SVEP1: variants seen among roughly 807,000 people sequenced by gnomAD.
The protein encoded by SVEP1 is sushi, von Willebrand factor type A, EGF and pentraxin domain containing 1.
A neutral mutation model predicts 367.3 loss-of-function variants in SVEP1; 164 were observed. The ratio of observed to expected loss-of-function variants is 0.45; its 90% CI spans 0.39 to 0.51. The LOEUF (loss-of-function observed/expected upper bound fraction) is 0.51, where lower values mean the gene tolerates loss of function less well. Ranked by LOEUF, SVEP1 falls within the 20% of genes least tolerant of loss-of-function variation. The pLI is 0.00. For synonymous variants in SVEP1, 1,666 were observed against 1,611.6 expected (o/e 1.03, Z -0.81); for missense variants, 4,117 against 4,425.3 (o/e 0.93, Z 1.98).
chr9:110,407,231 T>C lies in SVEP1; in HGVS notation c.8369A>G (p.Asn2790Ser), dbSNP rs751781406. 4.3e-6 allele frequency: 7 copies of C among 1,613,882 alleles called. No homozygotes were observed. In the Admixed American group the frequency reaches 1.0e-4, roughly 23 times the overall value. ...GTACAACGTGCTCAGGTATGTGTAG[T>C]TGCTTCCTTTGATGGATCCATTCAT... ...PVMNGSIKGS[N>S]YTYLSTLYYE... is the part of the protein sequence containing the mutation. Residue 2790 changes from asparagine (N) to serine (S), a missense_variant, in exon 38 of 48, where the codon AAC (asparagine) becomes AGC (serine). This residue lies in a region of SVEP1 where 1,765 missense variants were observed against 1,781.1 expected (regional missense o/e 0.99). Coordinates refer to ENST00000374469, the MANE Select transcript of SVEP1 (RefSeq NM_153366.4).
At chr9:110,447,962 A>C (rs888676448) in intron 24 of SVEP1, among the ~76,000 whole-genome samples, 9 of 152,228 alleles carry the variant, frequency 5.9e-5, no homozygotes, top group Admixed American at 1.3e-4. Flanking sequence ...GCTGAGTGGA[A>C]AAAAAAACCG....
At chr9:110,551,083 T>G (rs927242273) in intron 1 of SVEP1, among the ~76,000 whole-genome samples, 1 of 152,194 alleles carries the variant, frequency 6.6e-6, no homozygotes, top group African/African-American at 2.4e-5. Flanking sequence ...AAAAAAGAAC[T>G]TCATGTTTAT....
At chr9:110,534,245 T>C in intron 3 of SVEP1, among the ~76,000 whole-genome samples, 1 of 152,154 alleles carries the variant, frequency 6.6e-6, no homozygotes, top group East Asian at 1.9e-4. Context: ...CGTCTCATCA[T>C]TTAGCTCCCA....
chr9:110,577,888 T>C (rs1166778565), intron 1 of SVEP1, among the ~76,000 whole-genome samples: 2 of 152,166 alleles, frequency 1.3e-5, no homozygotes, highest in Non-Finnish European at 2.9e-5. Flanking sequence ...CAAAAATGTG[T>C]ATTTGCTAAA....
chr9:110,385,824 T>C lies in SVEP1; in HGVS notation c.10237+74A>G, dbSNP rs558366857. On this transcript the variant is annotated intron_variant, in intron 43 of 47. Coordinates refer to ENST00000374469, the MANE Select transcript of SVEP1 (RefSeq NM_153366.4). ...AAGTATCTACAACTAAGTGACTTGA[T>C]TGAAAACAACCTCACAGGGATGGGA... 21 of 1,503,674 alleles carry C rather than the reference T, an allele frequency of 1.4e-5. No individual in the cohort carries two copies. In the African/African-American group the frequency reaches 1.5e-4, roughly 11 times the overall value. The allele number at this position is 1,503,674 out of a possible 1,614,324, so 93.1% of individuals were successfully genotyped here.
At chr9:110,512,753 G>C in intron 5 of SVEP1, 173 bp downstream of exon 5, 1 of 768,718 alleles carries the variant, frequency 1.3e-6, no homozygotes, top group Non-Finnish European at 2.2e-6. Flanking sequence ...ACAATTATGT[G>C]GTCAATTGAA....
intron 2 of SVEP1, among the ~76,000 whole-genome samples, chr9:110,547,090 CGGGCTGCAATT>C: frequency 6.6e-6 from 1 of 152,260 alleles, no homozygotes; most frequent in South Asian, 2.1e-4. Flanking sequence ...GCAAGACACA[CGGGCTGCAATT>C]GGACACCTTG....
chr9:110,477,227 G>T (rs1054125021), intron 13 of SVEP1, among the ~76,000 whole-genome samples: 1 of 152,088 alleles, frequency 6.6e-6, no homozygotes, highest in African/African-American at 2.4e-5. Flanking sequence ...GACTTCATCA[G>T]AATGTATAAT....
rs1374098197 is a variant in SVEP1, at chr9:110,513,970, C to T, written c.1101G>A (p.Arg367=). The T allele has an allele frequency of 9.9e-6, 16 of 1,613,032 alleles. No individual in the cohort carries two copies. In the South Asian group the frequency reaches 1.2e-4, roughly 12 times the overall value. Residue 367 remains arginine (R), a synonymous_variant, in exon 4 of 48, where the codon AGG becomes AGA. Transcript: ENST00000374469. ...PEDCVCREGY[R]ASGQTCELVH... ...CACGTTCACAGGTCTGGCCAGATGCCCTGTATCCCTCTCTGCAGACACAGT... is the reference window on the plus strand; with the variant it reads ...CACGTTCACAGGTCTGGCCAGATGCTCTGTATCCCTCTCTGCAGACACAGT...
At position 110,427,705 on chromosome 9, in the gene SVEP1, G is replaced by A. The variant is rs745467484; in HGVS notation, c.5861C>T (p.Ala1954Val). 9 of 1,613,854 alleles carry A rather than the reference G, an allele frequency of 5.6e-6. No individual in the cohort carries two copies. Among genetic ancestry groups the A allele is most frequent in the Middle Eastern group, 1.6e-4 (1 of 6,062 alleles). Reference sequence around the variant, plus strand: ...GAAGACGAGGTGACAGGCAGGTGGCGCTCTGTCCCAGATGCCAGAAGCCGT... The same window carrying A: ...GAAGACGAGGTGACAGGCAGGTGGCACTCTGTCCCAGATGCCAGAAGCCGT... ...ECTASGIWDR[A>V]PPACHLVFCG... Residue 1954 changes from alanine (A) to valine (V), a missense_variant, in exon 36 of 48, where the codon GCG becomes GTG. Ala to Val is a moderately conservative substitution (Grantham distance 64). Transcript: ENST00000374469.
At chr9:110,366,625 T>TGTTAG in intron 47 of SVEP1, 65 bp from the exon 48 acceptor site, 1 of 1,449,966 alleles carries the variant, frequency 6.9e-7, no homozygotes, top group African/African-American at 1.5e-5. Context: ...AGAGCTAACA[T>TGTTAG]CTCTTTAGGA....
intron 3 of SVEP1, among the ~76,000 whole-genome samples, chr9:110,518,569 C>G (rs137870626): frequency 2.0e-5 from 3 of 152,244 alleles, no homozygotes; most frequent in Non-Finnish European, 4.4e-5. Context: ...TCCCAAATAG[C>G]TAGGACAACA....
chr9:110,398,590 T>C (rs566180620), intron 40 of SVEP1, among the ~76,000 whole-genome samples: 4 of 152,218 alleles, frequency 2.6e-5, no homozygotes, highest in African/African-American at 9.6e-5. Context: ...TCCAGCCTAC[T>C]CATCTGACAA....
At chr9:110,550,567 C>T (rs930352903) in intron 1 of SVEP1, among the ~76,000 whole-genome samples, 12 of 152,080 alleles carry the variant, frequency 7.9e-5, no homozygotes, top group South Asian at 6.2e-4. Context: ...GGTCATACAC[C>T]AAAATCCTAA....
At chr9:110,486,978 C>T (rs144783166) in intron 9 of SVEP1, among the ~76,000 whole-genome samples, 167 of 150,016 alleles carry the variant, frequency 1.1e-3, no homozygotes, top group East Asian at 3.0e-3. Context: ...CTCTTTGAGA[C>T]GGAGTTTTGC....
chr9:110,440,345 C>T (rs937536668), intron 27 of SVEP1, among the ~76,000 whole-genome samples: 2 of 152,196 alleles, frequency 1.3e-5, no homozygotes, highest in East Asian at 1.9e-4. Context: ...TGCCTCTGCA[C>T]GCAGAGCTCC....
At chr9:110,519,139 C>T (rs1170232960) in intron 3 of SVEP1, among the ~76,000 whole-genome samples, 3 of 152,080 alleles carry the variant, frequency 2.0e-5, no homozygotes, top group African/African-American at 7.2e-5. Flanking sequence ...TTGGTTTCTT[C>T]GTGTGTAATA....
intron 40 of SVEP1, among the ~76,000 whole-genome samples, chr9:110,394,508 C>G (rs1282679172): frequency 2.0e-5 from 3 of 152,172 alleles, no homozygotes; most frequent in African/African-American, 7.2e-5. Context: ...CAGAGAATGA[C>G]TTTGACGAGT....
intron 13 of SVEP1, 21 bp from the exon 14 acceptor site, chr9:110,476,336 G>A (rs777435012): frequency 1.3e-6 from 2 of 1,563,958 alleles, no homozygotes; most frequent in South Asian, 2.2e-5. Context: ...AAAATGAAGA[G>A]GATAAAGTGT....
Sources: allele counts gnomAD v4.1 joint callset (sites outside exome capture counted in the v4.1 genomes callset), GRCh38; gene constraint gnomAD v4.1.1; regional missense constraint gnomAD v4.1.1; transcripts MANE v1.5; gene names NCBI Gene and HGNC (gene_info 2026-07-23, HGNC 2026-07-21).